Variants in FMN2 observed in about 807,000 individuals in gnomAD.
The protein encoded by FMN2 is formin 2.
Under a neutral mutation model 142.3 loss-of-function variants are expected in FMN2, and 51 were observed. The ratio of observed to expected loss-of-function variants is 0.36; its 90% CI spans 0.29 to 0.45. The LOEUF is 0.45. FMN2 is among the 20% of genes least tolerant of loss of function. The probability of loss-of-function intolerance (pLI) is 1.00; values close to 1 mark genes in which losing one functional copy is unlikely to be tolerated. For synonymous variants in FMN2, 882 were observed against 869.8 expected, an observed-to-expected ratio of 1.01 and a Z score of -0.25; for missense variants, 1,936 against 2,122.8, an observed-to-expected ratio of 0.91 and a Z score of 1.73.
intron 1 of FMN2, among the ~76,000 whole-genome samples, chr1:240,095,267 TTATC>T (rs1661158553): frequency 6.6e-6 from 1 of 152,172 alleles, no homozygotes; most frequent in African/African-American, 2.4e-5. Flanking sequence ...ACCATAATGA[TTATC>T]AATCATTAAT....
chr1:240,275,806 C>G (rs1316259893), intron 7 of FMN2, among the ~76,000 whole-genome samples: 1 of 152,204 alleles, frequency 6.6e-6, no homozygotes, highest in Non-Finnish European at 1.5e-5. Flanking sequence ...GATAGTGTCT[C>G]ACTGTGGTTT....
chr1:240,161,175 C>T (rs1664260909), intron 2 of FMN2, among the ~76,000 whole-genome samples: 1 of 152,048 alleles, frequency 6.6e-6, no homozygotes, highest in Non-Finnish European at 1.5e-5. Context: ...ATCAATGTCT[C>T]AAGGGTGTGC....
chr1:240,468,206 ATGTGTG>A lies in FMN2; in HGVS notation c.5061-4144_5061-4139del, dbSNP rs199866888. ...AATGCATCCACTAAAATATATATAT[ATGTGTG>A]TGTGTGTGTGTGTGTGTGTGTATTC... On this transcript the variant is annotated intron_variant, in intron 16 of 17. Transcript: ENST00000319653. 5.0e-4 allele frequency among the ~76,000 whole-genome samples: 74 copies of A among 147,968 alleles called. 1 individual carries two copies. The East Asian group carries it at 7.6e-3, about 15-fold the overall frequency.
Position 240,177,969 on chromosome 1 carries a change from T to A in FMN2, c.1831T>A (p.Leu611Met). Residue 611 changes from leucine (L) to methionine (M), a missense_variant, in exon 3 of 18, where the codon TTG becomes ATG. Leu to Met is a conservative substitution (Grantham distance 15). This residue lies in a region of FMN2 where 478 missense variants were observed against 462.8 expected (regional missense o/e 1.03). Transcript: ENST00000319653. ...TGCAGTTAGTCAACCCACACACTCA[T>A]TGGACTATTCAGAAGGGCAGTTTCC... ...WAAVSQPTHS[L>M]DYSEGQFPRR... The A allele has an allele frequency of 6.2e-7, 1 of 1,611,500 alleles. No individual in the cohort carries two copies. The highest frequency in any genetic ancestry group is 1.1e-5 in the South Asian group (1 of 90,532).
In FMN2 at chr1:240,299,802, G is replaced by T. The variant is rs74151611; in HGVS notation, c.4215+4919G>T. ...TATACTAGATAATGCATACTGCGAT[G>T]AACCCAAGATGGACCTAAGATTACA... On this transcript the variant is annotated intron_variant, in intron 8 of 17. Transcript: ENST00000319653. 9.9e-3 allele frequency among the ~76,000 whole-genome samples: 1,512 copies of T among 152,132 alleles called. 23 individuals are homozygous for T. Among genetic ancestry groups the T allele is most frequent in the African/African-American group, 0.035 (1,433 of 41,506 alleles).
chr1:240,363,580 CGTGTG>C (rs1672563679), intron 14 of FMN2, among the ~76,000 whole-genome samples: 1 of 152,140 alleles, frequency 6.6e-6, no homozygotes, highest in African/African-American at 2.4e-5. Context: ...CGTGTGCGTG[CGTGTG>C]CATGCATGTG....
intron 2 of FMN2, among the ~76,000 whole-genome samples, chr1:240,125,908 G>A (rs151209173): frequency 5.3e-5 from 8 of 152,228 alleles, no homozygotes; most frequent in Admixed American, 3.3e-4. Context: ...CATTTCCTCA[G>A]AATTGGGAAT....
intron 6 of FMN2, among the ~76,000 whole-genome samples, 170 bp downstream of exon 6, chr1:240,211,405 T>C (rs1666688484): frequency 1.3e-5 from 2 of 152,228 alleles, no homozygotes; most frequent in Admixed American, 1.3e-4. Flanking sequence ...CTAGCCCAAA[T>C]AGAACAACAC....
At chr1:240,453,392 GT>G (rs201228858) in intron 16 of FMN2, among the ~76,000 whole-genome samples, 1,891 of 152,206 alleles carry the variant, frequency 0.012, 36 homozygotes, top group African/African-American at 0.043. Context: ...GTGAACTTCA[GT>G]TTTCTAATTT....
intron 2 of FMN2, chr1:240,145,102 C>T: frequency 6.8e-7 from 1 of 1,475,762 alleles, no homozygotes; most frequent in Admixed American, 1.7e-5. Context: ...ACTTGGTCAC[C>T]AAAGTCATGG....
chr1:240,230,367 A>T (rs1667494917), intron 6 of FMN2, among the ~76,000 whole-genome samples: 1 of 130,582 alleles, frequency 7.7e-6, no homozygotes, highest in South Asian at 2.4e-4. Context: ...CCAATAGCTT[A>T]TAGAAAAGAA....
At chr1:240,233,281 T>G (rs2102851919) in intron 6 of FMN2, among the ~76,000 whole-genome samples, 1 of 151,886 alleles carries the variant, frequency 6.6e-6, no homozygotes, top group African/African-American at 2.4e-5. Context: ...CTCAGGAGGC[T>G]GAGGCAGGAG....
intron 6 of FMN2, among the ~76,000 whole-genome samples, chr1:240,237,815 T>G (rs1307549266): frequency 1.3e-5 from 2 of 152,214 alleles, no homozygotes; most frequent in Non-Finnish European, 2.9e-5. Flanking sequence ...GAGTTATACA[T>G]GCAGAATTCT....
At chr1:240,236,246 G>A (rs1444428019) in intron 6 of FMN2, among the ~76,000 whole-genome samples, 1 of 152,016 alleles carries the variant, frequency 6.6e-6, no homozygotes, top group Non-Finnish European at 1.5e-5. Context: ...CCTGAAAATG[G>A]AATTTTTTCT....
intron 7 of FMN2, among the ~76,000 whole-genome samples, chr1:240,280,057 A>G (rs906404490): frequency 1.3e-5 from 2 of 152,134 alleles, no homozygotes; most frequent in African/African-American, 4.8e-5. Flanking sequence ...TAATTTTGGT[A>G]TGTGAGCTCT....
rs1669915778 is a variant in FMN2, at chr1:240,294,941, A to G, written c.4215+58A>G. On this transcript the variant is annotated intron_variant, in intron 8 of 17. Transcript: ENST00000319653. The stretch of plus-strand genomic sequence containing the variant: ...TATAATATGTACACAGTACATGTCT[A>G]TGTGCACATATAGGCTCTTTGTTTT... The G allele has an allele frequency of 5.6e-6, 8 of 1,427,710 alleles. No individual in the cohort carries two copies. In the African/African-American group the frequency reaches 5.6e-5, roughly 10 times the overall value. The allele number at this position is 1,427,710 out of a possible 1,614,324, so 88.4% of individuals were successfully genotyped here. A position where few individuals can be genotyped will look rare whatever the true frequency, so the allele number is the denominator to read the frequency against.
In FMN2 at chr1:240,312,271, G is replaced by A. The variant is rs921836067; in HGVS notation, c.4216-16805G>A. Among the ~76,000 whole-genome samples, 3 of 152,098 alleles carry A rather than the reference G, an allele frequency of 2.0e-5. No individual in the cohort carries two copies. In the South Asian group the frequency reaches 6.2e-4, roughly 31 times the overall value. ...CACTAGAACAGCACTGACAAAAGGT[G>A]TTCCTTCAGGCAGGAGATTTCCACT... On this transcript the variant is annotated intron_variant, in intron 8 of 17. Transcript: ENST00000319653.
At chr1:240,439,270 C>CAAAAAAAAAA (rs58234038) in intron 16 of FMN2, among the ~76,000 whole-genome samples, 5 of 101,258 alleles carry the variant, frequency 4.9e-5, no homozygotes, top group African/African-American at 2.3e-4. Flanking sequence ...AAGGCTGTCT[C>CAAAAAAAAAA]AAAAAAAAAA....
chr1:240,216,906 G>A (rs1458847426), intron 6 of FMN2, among the ~76,000 whole-genome samples: 6 of 151,480 alleles, frequency 4.0e-5, no homozygotes, highest in African/African-American at 1.2e-4. Context: ...CCGAGATCGC[G>A]CCACTACACT....
Sources: allele counts gnomAD v4.1 joint callset (sites outside exome capture counted in the v4.1 genomes callset), GRCh38; gene constraint gnomAD v4.1.1; regional missense constraint gnomAD v4.1.1; transcripts MANE v1.5; gene names NCBI Gene and HGNC (gene_info 2026-07-23, HGNC 2026-07-21).